EDARADD: variants seen among roughly 807,000 people sequenced by gnomAD.
EDARADD encodes EDAR associated via death domain.
In EDARADD, 20 loss-of-function variants were observed where a neutral mutation model predicts 25.6. The observed-to-expected ratio is 0.78, with a 90% CI of 0.55 to 1.14. The LOEUF (loss-of-function observed/expected upper bound fraction) is 1.14. EDARADD is among the 50% of genes most tolerant of loss of function. The pLI is 0.00. For missense variants in EDARADD, 225 were observed against 270.1 expected, an observed-to-expected ratio of 0.83 and a Z score of 1.17; for synonymous variants, 86 against 94.4, an observed-to-expected ratio of 0.91 and a Z score of 0.52.
intron 4 of EDARADD, among the ~76,000 whole-genome samples, chr1:236,457,581 G>C (rs1306081493): frequency 6.6e-6 from 1 of 152,040 alleles, no homozygotes; most frequent in Non-Finnish European, 1.5e-5. Flanking sequence ...AGCACTTTGG[G>C]AGGCTGAGGG....
chr1:236,462,276 C>T (rs184740001), intron 4 of EDARADD, among the ~76,000 whole-genome samples: 19 of 152,148 alleles, frequency 1.2e-4, no homozygotes, highest in East Asian at 3.9e-4. Context: ...TTGGGGAAAA[C>T]GGGCCAGTTT....
upstream of EDARADD, among the ~76,000 whole-genome samples, chr1:236,390,780 A>G (rs987394858): frequency 1.3e-5 from 2 of 152,048 alleles, no homozygotes; most frequent in African/African-American, 2.4e-5. Flanking sequence ...CAATTTTCTC[A>G]TGCCACTTTT....
At chr1:236,427,972 ATTTTAT>A (rs967345798) in intron 4 of EDARADD, among the ~76,000 whole-genome samples, 13 of 44,720 alleles carry the variant, frequency 2.9e-4, no homozygotes, top group Admixed American at 6.6e-4. Context: ...ATTTTATTTT[ATTTTAT>A]TTTTTTAGTA....
At chr1:236,399,113 T>C (rs1205451906) in intron 1 of EDARADD, among the ~76,000 whole-genome samples, 1 of 152,230 alleles carries the variant, frequency 6.6e-6, no homozygotes, top group African/African-American at 2.4e-5. Context: ...GTAAGATGTT[T>C]GTATATCCAC....
intron 4 of EDARADD, among the ~76,000 whole-genome samples, chr1:236,429,082 A>G (rs12754793): frequency 0.45 from 68,033 of 151,556 alleles, 17,495 homozygotes; most frequent in Non-Finnish European, 0.59. Flanking sequence ...TCGAGATGGC[A>G]TCGGTACAGT....
Position 236,484,672 on chromosome 1 carries a change from C to A in EDARADD, c.*2023C>A. On this transcript the variant is annotated 3_prime_UTR_variant, in exon 6 of 6. Transcript: ENST00000334232. The surrounding 1 kb of genome is among the most constrained non-coding windows in gnomAD (Gnocchi z 4.1). ...GCAGTGAGCCGAGATTGCGCCACTGCACACCAGTCTGGAGACAGAGTGAGA... is the reference window on the plus strand; with the variant it reads ...GCAGTGAGCCGAGATTGCGCCACTGAACACCAGTCTGGAGACAGAGTGAGA... The A allele has an allele frequency of 2.3e-6, 1 of 437,382 alleles. No individual in the cohort carries two copies. The highest frequency in any genetic ancestry group is 4.2e-6 in the Non-Finnish European group (1 of 236,500). 27.1% of individuals were successfully genotyped at this position (437,382 alleles called of 1,614,324 possible).
At chr1:236,474,232 G>A (rs1031498656) in intron 5 of EDARADD, among the ~76,000 whole-genome samples, 1 of 152,150 alleles carries the variant, frequency 6.6e-6, no homozygotes, top group African/African-American at 2.4e-5. Flanking sequence ...TTTTGATAGT[G>A]ATAATTACTG....
intron 3 of EDARADD, among the ~76,000 whole-genome samples, chr1:236,363,006 A>AAATATATATATATATATAT (rs1377112051): frequency 7.0e-5 from 3 of 42,944 alleles, no homozygotes; most frequent in Non-Finnish European, 7.6e-5. Flanking sequence ...AAAAAAAAAA[A>AAATATATATATATATATAT]ATATATATAT....
chr1:236,376,038 G>A (rs1053210943), intron 3 of EDARADD, among the ~76,000 whole-genome samples: 3 of 148,866 alleles, frequency 2.0e-5, no homozygotes, highest in African/African-American at 5.0e-5. Context: ...AGGTTCGAGC[G>A]ATTCTCCTTC....
intron 2 of EDARADD, 143 bp downstream of exon 2, chr1:236,409,417 T>C (rs995950512): frequency 1.4e-5 from 9 of 650,266 alleles, no homozygotes; most frequent in Non-Finnish European, 8.1e-6. Flanking sequence ...TGCTTTATCT[T>C]GGTATTCTAC....
Position 236,377,751 on chromosome 1 carries a change from G to A in EDARADD, c.-6+26912G>A, listed in dbSNP as rs533258755. On this transcript the variant is annotated intron_variant, in intron 3 of 7. Coordinates refer to the EDARADD transcript ENST00000439430. ...CGCATGTCTGTAGTCCCAGCTACTC[G>A]GGAGGCTGAGGCAGGAGAATCGCTT... is the stretch of plus-strand genomic sequence containing the variant. 5.3e-5 allele frequency among the ~76,000 whole-genome samples: 8 copies of A among 151,736 alleles called. No individual in the cohort carries two copies. In the East Asian group the frequency reaches 1.6e-3, roughly 30 times the overall value.
chr1:236,403,534 G>A (rs1297709238), intron 1 of EDARADD, among the ~76,000 whole-genome samples: 1 of 152,072 alleles, frequency 6.6e-6, no homozygotes. Context: ...TGATCCGCCT[G>A]CCTCGGCCTC....
At chr1:236,410,758 T>C (rs1279891742) in intron 2 of EDARADD, among the ~76,000 whole-genome samples, 1 of 152,232 alleles carries the variant, frequency 6.6e-6, no homozygotes, top group Non-Finnish European at 1.5e-5. Flanking sequence ...ATACACTTCA[T>C]GTAATTCAAC....
intron 4 of EDARADD, among the ~76,000 whole-genome samples, chr1:236,445,668 A>G (rs537288895): frequency 4.1e-4 from 62 of 152,300 alleles, no homozygotes; most frequent in African/African-American, 1.4e-3. Flanking sequence ...TAAATTGGTG[A>G]CTAATAAACT....
intron 4 of EDARADD, among the ~76,000 whole-genome samples, chr1:236,456,625 T>G (rs555012426): frequency 9.1e-4 from 139 of 152,192 alleles, no homozygotes; most frequent in African/African-American, 3.1e-3. Flanking sequence ...ACCACAGGAA[T>G]GGCCACGCCT....
rs1374774635 is a variant in EDARADD at position 236,483,907 on chromosome 1, C to T, written c.*1258C>T. On this transcript the variant is annotated 3_prime_UTR_variant, in exon 6 of 6. Transcript: ENST00000334232. ...GTGATCGTCAGCATGGACGTAGAGGCCTCCGAGTTCTTCAGGTCTGGAAAG... is the reference window on the plus strand; with the variant it reads ...GTGATCGTCAGCATGGACGTAGAGGTCTCCGAGTTCTTCAGGTCTGGAAAG... 2 of 1,372,736 alleles carry T rather than the reference C, an allele frequency of 1.5e-6. No individual in the cohort carries two copies. The highest frequency in any genetic ancestry group is 2.1e-6 in the Non-Finnish European group (2 of 962,746). 85.0% of individuals were successfully genotyped at this position (1,372,736 alleles called of 1,614,324 possible).
intron 5 of EDARADD, among the ~76,000 whole-genome samples, chr1:236,479,588 T>A (rs1035510748): frequency 1.3e-4 from 19 of 151,010 alleles, no homozygotes; most frequent in Non-Finnish European, 4.4e-5. Context: ...CTTTAGACTT[T>A]TTTTTTGCTG....
intron 4 of EDARADD, among the ~76,000 whole-genome samples, chr1:236,459,657 C>G (rs915961728): frequency 2.0e-5 from 3 of 147,502 alleles, no homozygotes; most frequent in African/African-American, 7.5e-5. Context: ...TCTTGTCACC[C>G]AGCCTGGAGC....
intron 1 of EDARADD, among the ~76,000 whole-genome samples, chr1:236,407,392 C>G (rs1667758324): frequency 6.6e-6 from 1 of 152,208 alleles, no homozygotes; most frequent in Non-Finnish European, 1.5e-5. Context: ...TCTTCAGTGA[C>G]TGGAGGCTGC....
Sources: allele counts gnomAD v4.1 joint callset (sites outside exome capture counted in the v4.1 genomes callset), GRCh38; gene constraint gnomAD v4.1.1; non-coding constraint Gnocchi (gnomAD v3.1); transcripts MANE v1.5; gene names NCBI Gene and HGNC (gene_info 2026-07-23, HGNC 2026-07-21).